The following PCSK6 variants were observed in gnomAD, a reference collection of about 807,000 sequenced individuals.
The protein encoded by PCSK6 is proprotein convertase subtilisin/kexin type 6.
A neutral mutation model predicts 123.3 loss-of-function variants in PCSK6; 85 were observed. The ratio of observed to expected loss-of-function variants is 0.69; its 90% CI spans 0.58 to 0.83. PCSK6 has a LOEUF of 0.83. PCSK6 is among the 40% of genes least tolerant of loss of function. The pLI is 0.00. For missense variants in PCSK6, 1,191 were observed against 1,282.3 expected, an observed-to-expected ratio of 0.93 and a Z score of 1.09; for synonymous variants, 508 against 516.0, an observed-to-expected ratio of 0.98 and a Z score of 0.21.
At position 101,373,012 on chromosome 15, in the gene PCSK6, G is replaced by A. The variant is rs192707837; in HGVS notation, c.1533-2489C>T. Among the ~76,000 whole-genome samples the A allele has an allele frequency of 1.2e-3, 186 of 149,764 alleles. 2 individuals are homozygous for A. Among genetic ancestry groups the A allele is most frequent in the Admixed American group, 4.7e-3 (71 of 15,088 alleles). ...GAACGGGAGCAGGGTAATTACAAGT[G>A]AAAGACAACCAAGCCCCACCTCTCA... On this transcript the variant is annotated intron_variant, in intron 11 of 21. Coordinates refer to ENST00000611716, the MANE Select transcript of PCSK6 (RefSeq NM_002570.5).
At position 101,392,593 on chromosome 15, in the gene PCSK6, C is replaced by CTTTTTTTTTTTTTTTTTTTTTTTT. The variant is rs10525638; in HGVS notation, c.1209+618_1209+619insAAAAAAAAAAAAAAAAAAAAAAAA. On this transcript the variant is annotated intron_variant, in intron 8 of 21. Transcript: ENST00000611716. Reference sequence around the variant, plus strand: ...TTTGAACTGGAAACCCTCCCTTCCTCTTTTTTTTTTTTTTTTTAAGTAGGA... The same window carrying CTTTTTTTTTTTTTTTTTTTTTTTT: ...TTTGAACTGGAAACCCTCCCTTCCTCTTTTTTTTTTTTTTTTTTTTTTTTTTTTTTTTTTTTTTTTTAAGTAGGA... 2.5e-4 allele frequency among the ~76,000 whole-genome samples: 31 copies of CTTTTTTTTTTTTTTTTTTTTTTTT among 122,318 alleles called. 1 individual carries two copies. Among genetic ancestry groups the CTTTTTTTTTTTTTTTTTTTTTTTT allele is most frequent in the African/African-American group, 8.9e-4 (27 of 30,410 alleles). The allele number at this position is 122,318 out of a possible 152,430, so 80.2% of individuals were successfully genotyped here.
At chr15:101,422,867 C>T (rs532497439) in intron 6 of PCSK6, among the ~76,000 whole-genome samples, 39 of 152,074 alleles carry the variant, frequency 2.6e-4, no homozygotes, top group African/African-American at 8.0e-4. Context: ...GGGATCCACC[C>T]GCCTCAGCCT....
intron 1 of PCSK6, among the ~76,000 whole-genome samples, chr15:101,470,402 C>G (rs1216518595): frequency 6.6e-6 from 1 of 152,108 alleles, no homozygotes; most frequent in Non-Finnish European, 1.5e-5. Flanking sequence ...TTCTGCTAAC[C>G]AAGTCCTTAC....
intron 6 of PCSK6, 34 bp downstream of exon 6, chr15:101,427,858 C>T (rs1276309989): frequency 6.6e-7 from 1 of 1,506,998 alleles, no homozygotes. Context: ...TGCCCCAGGC[C>T]CCTCGGCTCG....
chr15:101,409,527 G>A (rs1376991945), intron 6 of PCSK6, among the ~76,000 whole-genome samples: 1 of 150,514 alleles, frequency 6.6e-6, no homozygotes, highest in African/African-American at 2.5e-5. Flanking sequence ...GGAGCTTGCA[G>A]TGAGCCGAGA....
rs2042285005 is a variant in PCSK6, at chr15:101,393,232, C to T, written c.1189G>A (p.Ala397Thr). The change falls in exon 8 of 22, where the codon GCC (alanine) becomes ACC (threonine). Residue 397 changes from alanine to threonine, a missense_variant. Ala to Thr is a moderately conservative substitution (Grantham distance 58). This residue lies in a region of PCSK6 where 357 missense variants were observed against 484.5 expected (regional missense o/e 0.74). Transcript: ENST00000611716. ...STLATTYSSG[A>T]FYERKIVTTD... ...CTTACGATTTTTCGCTCATAAAAGG[C>T]CCCACTGCTGTAGGTGGTGGCCAGG... 16 of 1,613,458 alleles carry T rather than the reference C, an allele frequency of 9.9e-6. No individual in the cohort carries two copies. The highest frequency in any genetic ancestry group is 1.4e-5 in the Non-Finnish European group (16 of 1,179,792).
chr15:101,313,116 G>T (rs2039906320), intron 20 of PCSK6: 1 of 1,429,450 alleles, frequency 7.0e-7, no homozygotes, highest in Non-Finnish European at 9.3e-7. Flanking sequence ...CACCAATGGG[G>T]TGTGAGCACC....
intron 11 of PCSK6, among the ~76,000 whole-genome samples, chr15:101,379,352 G>C (rs968402973): frequency 6.6e-6 from 1 of 152,174 alleles, no homozygotes; most frequent in Admixed American, 6.5e-5. Flanking sequence ...CCATAGACCT[G>C]ACAGGTGTGG....
intron 13 of PCSK6, among the ~76,000 whole-genome samples, chr15:101,359,811 A>T (rs1432394560): frequency 6.6e-6 from 1 of 152,238 alleles, no homozygotes; most frequent in Non-Finnish European, 1.5e-5. Flanking sequence ...ATATAAACAG[A>T]TCTCCTTCCA....
chr15:101,340,370 AT>A (rs1165649722), intron 13 of PCSK6, among the ~76,000 whole-genome samples: 1 of 152,228 alleles, frequency 6.6e-6, no homozygotes, highest in African/African-American at 2.4e-5. Context: ...CTAAACAAAT[AT>A]CCTTTCGGGA....
intron 16 of PCSK6, among the ~76,000 whole-genome samples, chr15:101,325,985 C>CT (rs2040243145): frequency 6.6e-6 from 1 of 152,242 alleles, no homozygotes; most frequent in Admixed American, 6.5e-5. Flanking sequence ...CATCAACAGG[C>CT]TTCAGCCTGT....
chr15:101,404,860 C>G (rs1364347017), intron 6 of PCSK6, among the ~76,000 whole-genome samples: 2 of 152,158 alleles, frequency 1.3e-5, no homozygotes, highest in Non-Finnish European at 2.9e-5. Flanking sequence ...TGAAGCTGAT[C>G]CTGTTCTAGG....
chr15:101,429,836 T>C (rs2056386445), intron 5 of PCSK6, 151 bp downstream of exon 5: 5 of 663,908 alleles, frequency 7.5e-6, no homozygotes, highest in Non-Finnish European at 1.3e-5. Context: ...GTGCCTGGCA[T>C]GGCCTGTGAC....
chr15:101,407,396 C>T (rs191973421), intron 6 of PCSK6, among the ~76,000 whole-genome samples: 1 of 152,272 alleles, frequency 6.6e-6, no homozygotes, highest in African/African-American at 2.4e-5. Context: ...ACATCTGGGG[C>T]TTGCTGACCC....
rs533096876 is a variant in PCSK6, at chr15:101,428,914, C to G, written c.735-934G>C. On this transcript the variant is annotated intron_variant, in intron 5 of 21. Coordinates refer to ENST00000611716, the MANE Select transcript of PCSK6 (RefSeq NM_002570.5). ...TCACTGCGTGGTATGTGGGTCATTC[C>G]TCCTTTGCCCCAGGCATCCTCACTG... Among the ~76,000 whole-genome samples, 8 of 152,286 alleles carry G rather than the reference C, an allele frequency of 5.3e-5. No individual in the cohort carries two copies. In the South Asian group the frequency reaches 1.7e-3, roughly 32 times the overall value.
In PCSK6 at chr15:101,489,619, C is replaced by T; in HGVS notation, c.52G>A (p.Ala18Thr). The change falls in exon 1 of 22, where the codon GCC (alanine) becomes ACC (threonine). Residue 18 changes from alanine (A) to threonine (T), a missense_variant. Physicochemically the swap from Ala to Thr is moderately conservative, Grantham distance 58 (BLOSUM62 0). Coordinates refer to ENST00000611716, the MANE Select transcript of PCSK6 (RefSeq NM_002570.5). The stretch of plus-strand genomic sequence containing the variant: ...CCCGCGGCGGTGTCGGTGGCGGCGG[C>T]GGCCCGGGGCGGCGGCCGGGGCCCG... ...APGPRPPPRA[A>T]AATDTAAGAG... 1.0e-6 allele frequency: 1 copy of T among 974,854 alleles called. No homozygotes were observed. 60.4% of individuals were successfully genotyped at this position (974,854 alleles called of 1,614,324 possible). A position where few individuals can be genotyped will look rare whatever the true frequency, so the allele number is the denominator to read the frequency against.
At chr15:101,459,451 T>C (rs62027219) in intron 1 of PCSK6, among the ~76,000 whole-genome samples, 19,625 of 96,624 alleles carry the variant, frequency 0.2, 2,886 homozygotes, top group Non-Finnish European at 0.23. Context: ...CCACATCACC[T>C]GCTGCCACCA....
At chr15:101,424,577 C>T (rs1466990808) in intron 6 of PCSK6, among the ~76,000 whole-genome samples, 1 of 152,028 alleles carries the variant, frequency 6.6e-6, no homozygotes, top group East Asian at 1.9e-4. Flanking sequence ...AGATGGAAAT[C>T]TGAAGCTAGA....
chr15:101,453,861 G>C (rs1319346665), intron 1 of PCSK6, among the ~76,000 whole-genome samples: 3 of 152,238 alleles, frequency 2.0e-5, no homozygotes, highest in Admixed American at 2.0e-4. Context: ...TCTACTCTCA[G>C]CATAGGGCAG....
Sources: gnomAD v4.1 joint callset for allele counts (sites outside exome capture counted in the v4.1 genomes callset) on GRCh38, gnomAD v4.1.1 for gene constraint, gnomAD v4.1.1 regional missense constraint, MANE v1.5 for transcripts, NCBI Gene and HGNC (gene_info 2026-07-23, HGNC 2026-07-21) for gene names.